Variants in RIMS3 observed in about 807,000 individuals in gnomAD.
The protein encoded by RIMS3 is regulating synaptic membrane exocytosis 3.
In RIMS3, 15 loss-of-function variants were observed where a neutral mutation model predicts 29.2. That is an observed-to-expected ratio of 0.51 (90% CI 0.34 to 0.79). The LOEUF (loss-of-function observed/expected upper bound fraction) is 0.79. RIMS3 is among the 30% of genes least tolerant of loss of function. RIMS3 has a pLI of 0.01. For missense variants in RIMS3, 342 were observed against 421.4 expected, an observed-to-expected ratio of 0.81 and a Z score of 1.65; for synonymous variants, 161 against 170.1, an observed-to-expected ratio of 0.95 and a Z score of 0.41.
rs1050524842 is a variant in RIMS3, at chr1:40,623,081, C to T, written c.*3436G>A. 54 of 245,126 alleles carry T rather than the reference C, an allele frequency of 2.2e-4. 1 individual carries two copies. The highest frequency in any genetic ancestry group is 8.5e-5 in the Non-Finnish European group (11 of 129,188). 15.2% of individuals were successfully genotyped at this position (245,126 alleles called of 1,614,324 possible). On this transcript the variant is annotated 3_prime_UTR_variant, in exon 8 of 8. Coordinates refer to ENST00000372684, the MANE Select transcript of RIMS3 (RefSeq NM_014747.3). ...GACTGGCTTGACCTCAGTGTTCTAA[C>T]CGGCAGTGATTCCACAGAGGATGAG...
chr1:40,638,239 C>A (rs1646532966), intron 3 of RIMS3, among the ~76,000 whole-genome samples: 1 of 152,268 alleles, frequency 6.6e-6, no homozygotes, highest in East Asian at 1.9e-4. Context: ...TTTCACTCCC[C>A]TCCCAATCCC....
intron 2 of RIMS3, among the ~76,000 whole-genome samples, chr1:40,645,466 T>G (rs1570186863): frequency 6.6e-6 from 1 of 152,274 alleles, no homozygotes; most frequent in East Asian, 1.9e-4. Flanking sequence ...GACAGAATGC[T>G]TAGCATCCCC....
At chr1:40,653,677 TAC>T (rs1279303514) in intron 1 of RIMS3, among the ~76,000 whole-genome samples, 1 of 152,100 alleles carries the variant, frequency 6.6e-6, no homozygotes, top group Non-Finnish European at 1.5e-5. Context: ...CACATGCAAC[TAC>T]ACACACACTT....
chr1:40,660,821 T>C (rs1642341488), intron 1 of RIMS3, among the ~76,000 whole-genome samples: 1 of 152,058 alleles, frequency 6.6e-6, no homozygotes, highest in Non-Finnish European at 1.5e-5. Flanking sequence ...GGAGCCATGG[T>C]AGCAGCAGGA....
In RIMS3 at chr1:40,661,432, C is replaced by A. The variant is rs1262830206; in HGVS notation, c.-207+3962G>T. ...TTGTGGGGCTATATAATATGCAGAG[C>A]CCAGTGCTAAATGAAAATGCAGGAC... On this transcript the variant is annotated intron_variant, in intron 1 of 7. Coordinates refer to ENST00000372684, the MANE Select transcript of RIMS3 (RefSeq NM_014747.3). Among the ~76,000 whole-genome samples, 6 of 152,248 alleles carry A rather than the reference C, an allele frequency of 3.9e-5. No individual in the cohort carries two copies. In the East Asian group the frequency reaches 1.2e-3, roughly 29 times the overall value.
At chr1:40,691,598 G>C in the RIMS3 span, 2 of 355,882 alleles carry the variant, frequency 5.6e-6, no homozygotes, top group African/African-American at 4.4e-5. Flanking sequence ...CTCTGTCGTC[G>C]CCCCTTCCCA....
Position 40,641,802 on chromosome 1 carries a change from C to A in RIMS3, c.124G>T (p.Ala42Ser), listed in dbSNP as rs149583022. The A allele has an allele frequency of 2.5e-6, 4 of 1,612,520 alleles. No homozygotes were observed. Among genetic ancestry groups the A allele is most frequent in the Middle Eastern group, 3.3e-4 (2 of 6,056 alleles). ...QAGGGAGTTT[A>S]KKRRSSLGAK... is the part of the protein sequence containing the mutation. ...CCCAGGCTGCTCCGCCGCTTCTTGG[C>A]GGTGGTGGTCCCAGCCCCGCCCCCG... Residue 42 changes from alanine (A) to serine (S), a missense_variant, in exon 3 of 8, where the codon GCC becomes TCC. Ala to Ser is a moderately conservative substitution (Grantham distance 99, BLOSUM62 1). Transcript: ENST00000372684.
Position 40,635,912 on chromosome 1 carries a change from G to A in RIMS3, c.359+4C>T, listed in dbSNP as rs902095949. 3 of 1,612,384 alleles carry A rather than the reference G, an allele frequency of 1.9e-6. No individual in the cohort carries two copies. The highest frequency in any genetic ancestry group is 2.2e-5 in the East Asian group (1 of 44,884). ...AGGGGACCACAGCACGGGGCTGCAC[G>A]CACGTGCCGTCGGAGCTGTTGCTGT... is the stretch of plus-strand genomic sequence containing the variant. On this transcript the variant is annotated splice_donor_region_variant and intron_variant, in intron 4 of 7. Transcript: ENST00000372684. The surrounding 1 kb of genome is among the most constrained non-coding windows in gnomAD (Gnocchi z 4.1).
chr1:40,635,792 G>T lies in RIMS3; in HGVS notation c.359+124C>A. On this transcript the variant is annotated intron_variant, in intron 4 of 7. Coordinates refer to ENST00000372684, the MANE Select transcript of RIMS3 (RefSeq NM_014747.3). The surrounding 1 kb of genome is among the most constrained non-coding windows in gnomAD (Gnocchi z 4.1). ...GGGGAGGGGTATGAAGGAAGGCAGA[G>T]ACACAGAGGACCCAGACATTTTAGC... 1 of 1,286,028 alleles carries T rather than the reference G, an allele frequency of 7.8e-7. No homozygotes were observed. Among genetic ancestry groups the T allele is most frequent in the South Asian group, 1.3e-5 (1 of 75,618 alleles). The allele number at this position is 1,286,028 out of a possible 1,614,324, so 79.7% of individuals were successfully genotyped here. A position where few individuals can be genotyped will look rare whatever the true frequency, so the allele number is the denominator to read the frequency against.
In RIMS3 at chr1:40,650,863, C is replaced by CAAAAAAAAAA. The variant is rs58578342; in HGVS notation, c.-206-3031_-206-3022dup. Among the ~76,000 whole-genome samples the CAAAAAAAAAA allele has an allele frequency of 6.2e-5, 4 of 64,566 alleles. 1 individual carries two copies. The highest frequency in any genetic ancestry group is 3.0e-4 in the African/African-American group (4 of 13,130). The allele number at this position is 64,566 out of a possible 152,430, so 42.4% of individuals were successfully genotyped here. A position where few individuals can be genotyped will look rare whatever the true frequency, so the allele number is the denominator to read the frequency against. ...CCTGGATGACAGAGCCAGACTCTGT[C>CAAAAAAAAAA]AAAAAAAAAAAAAAAAAAAAAAAAA... On this transcript the variant is annotated intron_variant, in intron 1 of 7. Transcript: ENST00000372684.
At chr1:40,642,964 A>G (rs1454571700) in intron 2 of RIMS3, among the ~76,000 whole-genome samples, 1 of 152,060 alleles carries the variant, frequency 6.6e-6, no homozygotes, top group Non-Finnish European at 1.5e-5. Flanking sequence ...TCAAAAAAAA[A>G]AAAAAATATT....
intron 1 of RIMS3, among the ~76,000 whole-genome samples, chr1:40,660,035 C>G (rs1642329123): frequency 6.6e-6 from 1 of 152,148 alleles, no homozygotes; most frequent in Non-Finnish European, 1.5e-5. Flanking sequence ...AGGTAGGAAG[C>G]TGTCACAGTG....
chr1:40,681,066 T>TTGCATTGTC, the RIMS3 span, among the ~76,000 whole-genome samples: 1 of 152,226 alleles, frequency 6.6e-6, no homozygotes, highest in South Asian at 2.1e-4. Flanking sequence ...ACTCTCTTGT[T>TTGCATTGTC]TGCATTGTCT....
the RIMS3 span, among the ~76,000 whole-genome samples, chr1:40,681,889 A>AGTGGTGCCATC: frequency 6.6e-6 from 1 of 152,198 alleles, no homozygotes; most frequent in Admixed American, 6.5e-5. Flanking sequence ...ACTGGAGTGC[A>AGTGGTGCCATC]GTGGTGCCAT....
At chr1:40,644,596 T>A (rs920323303) in intron 2 of RIMS3, among the ~76,000 whole-genome samples, 1 of 152,182 alleles carries the variant, frequency 6.6e-6, no homozygotes, top group African/African-American at 2.4e-5. Context: ...AGAACCACTC[T>A]GGGGGAGGGG....
chr1:40,673,445 A>C, the RIMS3 span: 1 of 152,126 alleles, frequency 6.6e-6, no homozygotes, highest in African/African-American at 2.4e-5. Flanking sequence ...TCATCTTCAC[A>C]TTCTCCGCCA....
At chr1:40,674,428 T>C in the RIMS3 span, among the ~76,000 whole-genome samples, 2 of 152,172 alleles carry the variant, frequency 1.3e-5, no homozygotes, top group African/African-American at 4.8e-5. Context: ...CTTGAGCAGA[T>C]AGGGCCAGCA....
intron 1 of RIMS3, among the ~76,000 whole-genome samples, chr1:40,649,656 T>C (rs1182346102): frequency 3.3e-5 from 5 of 152,152 alleles, no homozygotes; most frequent in Admixed American, 2.0e-4. Flanking sequence ...CTGGCCCCCA[T>C]CCTCGCCAGA....
rs1171909966 is a variant in RIMS3, at chr1:40,654,041, C to A, written c.-206-6199G>T. Among the ~76,000 whole-genome samples, 1 of 152,120 alleles carries A rather than the reference C, an allele frequency of 6.6e-6. No individual in the cohort carries two copies. The highest frequency in any genetic ancestry group is 1.5e-5 in the Non-Finnish European group (1 of 68,012). ...AGGGTGTTGGTGGATGGGACAATCT[C>A]TCCCCCTCCCACACCCTCGCTGGGG... On this transcript the variant is annotated intron_variant, in intron 1 of 7. Coordinates refer to ENST00000372684, the MANE Select transcript of RIMS3 (RefSeq NM_014747.3). This position sits in a 1 kb window ranked among gnomAD's most constrained non-coding sequence, Gnocchi z 5.3.
Sources: allele counts gnomAD v4.1 joint callset (sites outside exome capture counted in the v4.1 genomes callset), GRCh38; gene constraint gnomAD v4.1.1; non-coding constraint Gnocchi (gnomAD v3.1); transcripts MANE v1.5; gene names NCBI Gene and HGNC (gene_info 2026-07-23, HGNC 2026-07-21).